Variants in DDX31 observed in about 807,000 individuals in gnomAD.
The protein encoded by DDX31 is DEAD-box helicase 31, also known as ATP-dependent DNA helicase DDX31.
A neutral mutation model predicts 91.3 loss-of-function variants in DDX31; 70 were observed. The observed-to-expected ratio is 0.77, with a 90% confidence interval of 0.63 to 0.94. The LOEUF is 0.94. Ranked by LOEUF, DDX31 falls within the 40% of genes least tolerant of loss-of-function variation. The probability of loss-of-function intolerance (pLI) is 0.00; values close to 1 mark genes in which losing one functional copy is unlikely to be tolerated. For synonymous variants in DDX31, 362 were observed against 350.6 expected, an observed-to-expected ratio of 1.03 and a Z score of -0.36; for missense variants, 902 against 925.0, an observed-to-expected ratio of 0.98 and a Z score of 0.32.
At chr9:132,657,465 T>A (rs1046680855) in intron 6 of DDX31, among the ~76,000 whole-genome samples, 5 of 152,238 alleles carry the variant, frequency 3.3e-5, no homozygotes, top group Admixed American at 6.5e-5. Flanking sequence ...TATATTTATT[T>A]ATTAGAGTTC....
intron 14 of DDX31, 112 bp from the exon 15 acceptor site, chr9:132,632,203 ATG>A (rs1832775803): frequency 1.4e-6 from 1 of 728,786 alleles, no homozygotes; most frequent in Non-Finnish European, 2.1e-6. Context: ...CCCACAGTAC[ATG>A]CACATTCGGG....
intron 19 of DDX31, among the ~76,000 whole-genome samples, chr9:132,601,972 A>T (rs914305837): frequency 1.2e-4 from 19 of 152,236 alleles, no homozygotes; most frequent in Admixed American, 3.3e-4. Flanking sequence ...TAACAGCACG[A>T]AAAAGAGAAA....
intron 19 of DDX31, among the ~76,000 whole-genome samples, chr9:132,611,479 A>G (rs1016059634): frequency 6.6e-6 from 1 of 152,190 alleles, no homozygotes; most frequent in South Asian, 2.1e-4. Flanking sequence ...CTGGGAAAAC[A>G]GACTCAGAGC....
At position 132,637,877 on chromosome 9, in the gene DDX31, A is replaced by G. The variant is rs537382401; in HGVS notation, c.1440+4127T>C. 63 of 988,288 alleles carry G rather than the reference A, an allele frequency of 6.4e-5. No individual in the cohort carries two copies. In the Admixed American group the frequency reaches 1.6e-3, roughly 25 times the overall value. The allele number at this position is 988,288 out of a possible 1,614,324, so 61.2% of individuals were successfully genotyped here. Reference sequence around the variant, plus strand: ...ACCCCAGAGAAAAGCACGAAAGTCTACATTTATTTGGGACACAGAACTGAC... The same window carrying G: ...ACCCCAGAGAAAAGCACGAAAGTCTGCATTTATTTGGGACACAGAACTGAC... On this transcript the variant is annotated intron_variant, in intron 14 of 19. Coordinates refer to ENST00000372159, the MANE Select transcript of DDX31 (RefSeq NM_022779.9).
chr9:132,640,514 T>G (rs1833435780), intron 14 of DDX31, among the ~76,000 whole-genome samples: 1 of 152,220 alleles, frequency 6.6e-6, no homozygotes, highest in African/African-American at 2.4e-5. Flanking sequence ...TTTTTTCTTT[T>G]GAGACAAGGT....
chr9:132,662,181 A>T, intron 3 of DDX31, 80 bp downstream of exon 3: 1 of 1,365,458 alleles, frequency 7.3e-7, no homozygotes, highest in Non-Finnish European at 1.0e-6. Context: ...CTCTCCTCCT[A>T]GAGCGGCCAT....
chr9:132,660,590 AAG>A (rs1032987679), intron 4 of DDX31, among the ~76,000 whole-genome samples: 1 of 152,158 alleles, frequency 6.6e-6, no homozygotes, highest in Non-Finnish European at 1.5e-5. Context: ...CAAGAAACAA[AAG>A]AGACACAAAA....
rs375949693 is a variant in DDX31 at position 132,667,101 on chromosome 9, G to A, written c.75+2759C>T. ...TGACCTCAAGTGATCTGCCTGCCTCGGCCTCCCAAAGTGATGAGATTACAG... is the reference window on the plus strand; with the variant it reads ...TGACCTCAAGTGATCTGCCTGCCTCAGCCTCCCAAAGTGATGAGATTACAG... On this transcript the variant is annotated intron_variant, in intron 1 of 19. Coordinates refer to ENST00000372159, the MANE Select transcript of DDX31 (RefSeq NM_022779.9). 7.9e-5 allele frequency among the ~76,000 whole-genome samples: 12 copies of A among 151,766 alleles called. 1 individual carries two copies. The highest frequency in any genetic ancestry group is 2.2e-4 in the African/African-American group (9 of 41,408).
intron 4 of DDX31, 75 bp downstream of exon 4, chr9:132,661,133 G>A: frequency 7.4e-7 from 1 of 1,348,510 alleles, no homozygotes; most frequent in East Asian, 2.3e-5. Flanking sequence ...AATTTGCTCT[G>A]CCTTGCACAC....
At chr9:132,625,601 T>C in intron 17 of DDX31, 63 bp downstream of exon 17, 1 of 1,311,794 alleles carries the variant, frequency 7.6e-7, no homozygotes, top group African/African-American at 1.5e-5. Flanking sequence ...ACAAAGTCTC[T>C]ACTACCCCAA....
chr9:132,647,099 A>C lies in DDX31; in HGVS notation c.968-41T>G, dbSNP rs764748096. On this transcript the variant is annotated intron_variant, in intron 11 of 19. Transcript: ENST00000372159. ...GAAGGGCAAAGCAGACAACAAACAC[A>C]CCATGAAACTGGTCACAAAAGCGTA... 3 of 1,590,820 alleles carry C rather than the reference A, an allele frequency of 1.9e-6. No individual in the cohort carries two copies. The Admixed American group carries it at 5.0e-5, about 27-fold the overall frequency.
Position 132,618,552 on chromosome 9 carries a change from C to T in DDX31, c.1714-111G>A, listed in dbSNP as rs1831795987. ...AAATCACACAGTAACCACCTAGGGC[C>T]AACAAGGGTAATCCTTTCAATATTA... is the stretch of plus-strand genomic sequence containing the variant. On this transcript the variant is annotated intron_variant, in intron 17 of 19. Transcript: ENST00000372159. 1.0e-5 allele frequency: 8 copies of T among 792,192 alleles called. 1 individual carries two copies. Among genetic ancestry groups the T allele is most frequent in the Middle Eastern group, 6.0e-4 (2 of 3,334 alleles). 49.1% of individuals were successfully genotyped at this position (792,192 alleles called of 1,614,324 possible). A position where few individuals can be genotyped will look rare whatever the true frequency, so the allele number is the denominator to read the frequency against.
chr9:132,600,931 C>G (rs1830689284), intron 19 of DDX31, among the ~76,000 whole-genome samples: 1 of 152,332 alleles, frequency 6.6e-6, no homozygotes, highest in East Asian at 1.9e-4. Flanking sequence ...GAAGGTAAAA[C>G]AGCCTACAGT....
chr9:132,607,537 C>T (rs1457363552), intron 19 of DDX31, among the ~76,000 whole-genome samples: 1 of 152,142 alleles, frequency 6.6e-6, no homozygotes, highest in Non-Finnish European at 1.5e-5. Flanking sequence ...TAAAACCAGT[C>T]TTAGGTACTA....
At chr9:132,630,747 G>A (rs895349757) in intron 15 of DDX31, among the ~76,000 whole-genome samples, 2 of 152,246 alleles carry the variant, frequency 1.3e-5, no homozygotes, top group Non-Finnish European at 2.9e-5. Context: ...AATGTAGGCA[G>A]GTGGGGGTAA....
chr9:132,630,478 C>T, intron 15 of DDX31, 75 bp from the exon 16 acceptor site: 1 of 1,402,536 alleles, frequency 7.1e-7, no homozygotes, highest in Non-Finnish European at 9.6e-7. Context: ...ATACTCCTCA[C>T]CTGCCTCCAG....
intron 5 of DDX31, 128 bp downstream of exon 5, chr9:132,659,582 G>T: frequency 1.3e-6 from 1 of 795,116 alleles, no homozygotes; most frequent in Non-Finnish European, 2.0e-6. Flanking sequence ...CTAATCAAAA[G>T]CATGGCCTCC....
At chr9:132,663,889 T>C (rs770257538) in intron 1 of DDX31, among the ~76,000 whole-genome samples, 4 of 152,248 alleles carry the variant, frequency 2.6e-5, no homozygotes, top group Non-Finnish European at 5.9e-5. Context: ...AAGAAAGAGA[T>C]GAAATCAAGT....
intron 18 of DDX31, among the ~76,000 whole-genome samples, chr9:132,614,461 C>T (rs78760075): frequency 0.025 from 3,827 of 152,098 alleles, 164 homozygotes; most frequent in African/African-American, 0.085. Context: ...GCCTCTTCTC[C>T]TCAACCTTTC....
Sources: allele counts gnomAD v4.1 joint callset (sites outside exome capture counted in the v4.1 genomes callset), GRCh38; gene constraint gnomAD v4.1.1; transcripts MANE v1.5; gene names NCBI Gene and HGNC (gene_info 2026-07-23, HGNC 2026-07-21).